Variants in DCTN2 observed in about 807,000 individuals in gnomAD.
The protein encoded by DCTN2 is dynactin subunit 2.
Under a neutral mutation model 55.4 loss-of-function variants are expected in DCTN2, and 18 were observed. The ratio of observed to expected loss-of-function variants is 0.32; its 90% CI spans 0.22 to 0.48. The LOEUF (loss-of-function observed/expected upper bound fraction) is 0.48, where lower values mean the gene tolerates loss of function less well. Ranked by LOEUF, DCTN2 falls within the 20% of genes least tolerant of loss-of-function variation. The pLI is 0.99. For missense variants in DCTN2, 390 were observed against 491.0 expected, an observed-to-expected ratio of 0.79 and a Z score of 1.94; for synonymous variants, 168 against 185.2, an observed-to-expected ratio of 0.91 and a Z score of 0.76.
intron 2 of DCTN2, chr12:57,541,426 A>G (rs1239493312): frequency 4.2e-5 from 67 of 1,591,428 alleles, no homozygotes; most frequent in Non-Finnish European, 5.5e-5. Flanking sequence ...ATTAGGAAAA[A>G]CTCAGGTAAG....
chr12:57,538,336 T>C (rs1407840986), intron 2 of DCTN2: 3 of 652,520 alleles, frequency 4.6e-6, no homozygotes, highest in Non-Finnish European at 5.7e-6. Flanking sequence ...ACTCCAGCAG[T>C]GTCTTGAAGA....
intron 5 of DCTN2, 145 bp from the exon 6 acceptor site, chr12:57,534,597 TGCATACAGA>T (rs1361251190): frequency 1.5e-6 from 1 of 679,248 alleles, no homozygotes; most frequent in African/African-American, 1.8e-5. Flanking sequence ...TATGTAGCAC[TGCATACAGA>T]TGGATGCATA....
intron 4 of DCTN2, 126 bp downstream of exon 4, chr12:57,535,358 C>G: frequency 3.1e-6 from 4 of 1,296,230 alleles, no homozygotes; most frequent in Non-Finnish European, 4.4e-6. Context: ...CTGGCTGCAT[C>G]CTGCTGCTTC....
intron 4 of DCTN2, 90 bp from the exon 5 acceptor site, chr12:57,535,244 TATC>T (rs1444202283): frequency 3.6e-6 from 4 of 1,124,078 alleles, no homozygotes; most frequent in Non-Finnish European, 3.9e-6. Context: ...GTCATAAAGG[TATC>T]ATATCCAATT....
At chr12:57,544,418 G>GT (rs1388537784) in intron 2 of DCTN2, among the ~76,000 whole-genome samples, 4 of 144,608 alleles carry the variant, frequency 2.8e-5, no homozygotes, top group African/African-American at 7.8e-5. Context: ...TTGTTGTACT[G>GT]GTTTTTTTTT....
At chr12:57,540,519 C>G (rs920949832) in intron 2 of DCTN2, among the ~76,000 whole-genome samples, 1 of 152,196 alleles carries the variant, frequency 6.6e-6, no homozygotes. Flanking sequence ...GACTCCCAGT[C>G]TCTTTCACTA....
At chr12:57,540,936 C>T (rs994919648) in intron 2 of DCTN2, among the ~76,000 whole-genome samples, 1 of 152,200 alleles carries the variant, frequency 6.6e-6, no homozygotes, top group African/African-American at 2.4e-5. Flanking sequence ...CAGCCAAGAA[C>T]TGAGGACTGT....
intron 2 of DCTN2, among the ~76,000 whole-genome samples, chr12:57,541,661 T>G (rs1411019938): frequency 6.6e-6 from 1 of 152,190 alleles, no homozygotes; most frequent in Non-Finnish European, 1.5e-5. Flanking sequence ...CTAATGAGGT[T>G]TTTCTTAATT....
At chr12:57,544,183 C>T (rs1172899294) in intron 2 of DCTN2, 2 of 435,200 alleles carry the variant, frequency 4.6e-6, no homozygotes, top group African/African-American at 4.1e-5. Flanking sequence ...CAGCATACAG[C>T]TGTCTCTTGG....
chr12:57,531,133 T>C (rs1879660725), intron 13 of DCTN2, among the ~76,000 whole-genome samples: 1 of 152,236 alleles, frequency 6.6e-6, no homozygotes, highest in Non-Finnish European at 1.5e-5. Context: ...AAGTCCTTTA[T>C]ATATTTTTTC....
intron 7 of DCTN2, 119 bp from the exon 8 acceptor site, chr12:57,533,422 A>T: frequency 1.1e-6 from 1 of 886,194 alleles, no homozygotes; most frequent in Non-Finnish European, 1.9e-6. Context: ...TTTCCCTGGA[A>T]TACATACCTA....
At chr12:57,531,986 G>A (rs1424407807) in intron 13 of DCTN2, 29 bp downstream of exon 13, 1 of 1,553,726 alleles carries the variant, frequency 6.4e-7, no homozygotes, top group African/African-American at 1.4e-5. Context: ...GCTGGAGAAA[G>A]GAGGACAGAT....
intron 3 of DCTN2, 26 bp downstream of exon 3, chr12:57,535,723 C>G (rs762860403): frequency 3.8e-6 from 6 of 1,596,666 alleles, no homozygotes; most frequent in Non-Finnish European, 5.2e-6. Flanking sequence ...AGTCTTCCCC[C>G]CACCCAGCTT....
At chr12:57,539,752 C>T (rs1485511810) in intron 2 of DCTN2, among the ~76,000 whole-genome samples, 1 of 152,190 alleles carries the variant, frequency 6.6e-6, no homozygotes, top group Non-Finnish European at 1.5e-5. Flanking sequence ...TTCCACCAGG[C>T]ACGGTGTCTC....
rs1016183440 is a variant in DCTN2, at chr12:57,530,610, A to G, written c.*79T>C. The G allele has an allele frequency of 6.3e-6, 8 of 1,276,316 alleles. No individual in the cohort carries two copies. In the African/African-American group the frequency reaches 1.0e-4, roughly 17 times the overall value. 79.1% of individuals were successfully genotyped at this position (1,276,316 alleles called of 1,614,324 possible). Reference sequence around the variant, plus strand: ...GGGATGGGGATGCTAGAGTTATAGTAAAGGGGAAACCCTATGTAAGCTGTT... The same window carrying G: ...GGGATGGGGATGCTAGAGTTATAGTGAAGGGGAAACCCTATGTAAGCTGTT... On this transcript the variant is annotated 3_prime_UTR_variant, in exon 14 of 14. Coordinates refer to ENST00000548249, the MANE Select transcript of DCTN2 (RefSeq NM_001261413.2).
At chr12:57,543,675 C>T (rs549698414) in intron 2 of DCTN2, 2 of 783,950 alleles carry the variant, frequency 2.6e-6, no homozygotes, top group South Asian at 5.8e-5. Context: ...GCTCTTCGGG[C>T]CCCTGAAGTG....
At position 57,532,987 on chromosome 12, in the gene DCTN2, G is replaced by C. The variant is rs764401715; in HGVS notation, c.771C>G (p.Leu257=). The C allele has an allele frequency of 7.5e-6, 12 of 1,604,082 alleles. No individual in the cohort carries two copies. In the South Asian group the frequency reaches 1.3e-4, roughly 18 times the overall value. ...PLSAGLQGAC[L]METVELLQAK... ...CTCCAGTTTCTTCCAAACTCACCAT[G>C]AGACAGGCTCCCTGTAGACCTGCAG... Residue 257 remains leucine, a synonymous_variant, in exon 9 of 14, where the codon CTC becomes CTG. Transcript: ENST00000548249.
At chr12:57,537,588 G>C (rs913006545) in intron 2 of DCTN2, among the ~76,000 whole-genome samples, 1 of 152,084 alleles carries the variant, frequency 6.6e-6, no homozygotes, top group African/African-American at 2.4e-5. Flanking sequence ...TCTGCTATTA[G>C]AGCAGGAATC....
At chr12:57,544,419 G>T (rs1406682222) in intron 2 of DCTN2, among the ~76,000 whole-genome samples, 5 of 140,544 alleles carry the variant, frequency 3.6e-5, no homozygotes, top group African/African-American at 7.9e-5. Context: ...TGTTGTACTG[G>T]TTTTTTTTTT....
Sources: gnomAD v4.1 joint callset for allele counts (sites outside exome capture counted in the v4.1 genomes callset) on GRCh38, gnomAD v4.1.1 for gene constraint, MANE v1.5 for transcripts, NCBI Gene and HGNC (gene_info 2026-07-23, HGNC 2026-07-21) for gene names.